PTPRD: variants seen among roughly 807,000 people sequenced by gnomAD.
The protein encoded by PTPRD is receptor-type tyrosine-protein phosphatase delta.
PTPRD carries 34 observed loss-of-function variants against 214.5 expected under a neutral mutation model. The observed-to-expected ratio is 0.16, with a 90% CI of 0.12 to 0.21. The LOEUF is 0.21. Among genes scored for constraint, PTPRD ranks in the 10% least tolerant of loss-of-function variants. The pLI, the probability that PTPRD is intolerant of heterozygous loss-of-function variation, is 1.00. For missense variants in PTPRD, 2,545 were observed against 2,398.7 expected (o/e 1.06, Z -1.27); for synonymous variants, 1,128 against 845.7 (o/e 1.33, Z -5.79).
chr9:9,842,352 T>C (rs2058546913), intron 5 of PTPRD, among the ~76,000 whole-genome samples: 1 of 142,840 alleles, frequency 7.0e-6, no homozygotes, highest in Non-Finnish European at 1.5e-5. Flanking sequence ...AAAACTCTAG[T>C]ATGGTGCTGT....
intron 2 of PTPRD, among the ~76,000 whole-genome samples, chr9:10,478,095 T>C (rs1390947375): frequency 6.6e-6 from 1 of 151,976 alleles, no homozygotes; most frequent in African/African-American, 2.4e-5. Flanking sequence ...TGTATACCTA[T>C]GTAACAAACC....
At chr9:9,251,494 T>C (rs1488656242) in intron 9 of PTPRD, among the ~76,000 whole-genome samples, 2 of 152,094 alleles carry the variant, frequency 1.3e-5, no homozygotes, top group Non-Finnish European at 2.9e-5. Context: ...AAAACTACTA[T>C]TCATTAATTT....
At chr9:9,348,543 C>A (rs2049826886) in intron 9 of PTPRD, among the ~76,000 whole-genome samples, 2 of 152,076 alleles carry the variant, frequency 1.3e-5, no homozygotes, top group African/African-American at 2.4e-5. Context: ...TGAAAATCAC[C>A]CCTTTAATCA....
chr9:9,612,537 T>C (rs2094571222), intron 7 of PTPRD, among the ~76,000 whole-genome samples: 1 of 152,194 alleles, frequency 6.6e-6, no homozygotes, highest in Non-Finnish European at 1.5e-5. Context: ...AAGTGGTTTT[T>C]CCTCTCTCAT....
intron 5 of PTPRD, among the ~76,000 whole-genome samples, chr9:9,796,056 T>G (rs2153487969): frequency 6.6e-6 from 1 of 152,140 alleles, no homozygotes; most frequent in East Asian, 1.9e-4. Flanking sequence ...AAGGTATTTT[T>G]CAGTTTTTTT....
chr9:9,959,138 T>A (rs563836849), intron 4 of PTPRD, among the ~76,000 whole-genome samples: 1 of 152,206 alleles, frequency 6.6e-6, no homozygotes, highest in Non-Finnish European at 1.5e-5. Flanking sequence ...AATTGTAGTA[T>A]ATCTATATAA....
intron 7 of PTPRD, among the ~76,000 whole-genome samples, chr9:9,710,037 T>C (rs2097696406): frequency 6.6e-6 from 1 of 152,028 alleles, no homozygotes; most frequent in Non-Finnish European, 1.5e-5. Flanking sequence ...AAAAGCAGAT[T>C]TTGTTTCTTT....
At chr9:8,827,053 AC>A (rs1033207264) in intron 11 of PTPRD, among the ~76,000 whole-genome samples, 1 of 152,078 alleles carries the variant, frequency 6.6e-6, no homozygotes, top group Non-Finnish European at 1.5e-5. Context: ...CATATAACAC[AC>A]ACACACACTA....
chr9:9,551,851 C>A (rs1189217717), intron 8 of PTPRD, among the ~76,000 whole-genome samples: 1 of 151,802 alleles, frequency 6.6e-6, no homozygotes, highest in Non-Finnish European at 1.5e-5. Context: ...GTAAGTTGCT[C>A]CCCAAAAGGA....
chr9:9,205,559 G>A (rs2099944317), intron 9 of PTPRD, among the ~76,000 whole-genome samples: 1 of 152,150 alleles, frequency 6.6e-6, no homozygotes, highest in East Asian at 1.9e-4. Context: ...GCATCATTAA[G>A]ACAGTCTTCT....
intron 14 of PTPRD, among the ~76,000 whole-genome samples, chr9:8,627,578 T>C (rs965148763): frequency 1.3e-5 from 2 of 151,882 alleles, no homozygotes; most frequent in Non-Finnish European, 2.9e-5. Context: ...GATTTACAAG[T>C]GTGCTCATTT....
intron 3 of PTPRD, among the ~76,000 whole-genome samples, chr9:10,299,034 C>T (rs2154404940): frequency 1.3e-5 from 2 of 152,206 alleles, no homozygotes; most frequent in Middle Eastern, 6.8e-3. Flanking sequence ...TTAATGAATA[C>T]ATGCATTGCC....
chr9:10,214,227 A>T (rs1442522822), intron 3 of PTPRD, among the ~76,000 whole-genome samples: 1 of 152,012 alleles, frequency 6.6e-6, no homozygotes, highest in Non-Finnish European at 1.5e-5. Context: ...ATCTACAAGT[A>T]TCAGTGACAA....
chr9:8,332,809 A>C (rs560327225), intron 43 of PTPRD, among the ~76,000 whole-genome samples: 1 of 152,244 alleles, frequency 6.6e-6, no homozygotes, highest in East Asian at 1.9e-4. Flanking sequence ...AGAGAGACCG[A>C]TCTCATTTCT....
At chr9:9,606,770 A>G (rs2094181542) in intron 7 of PTPRD, among the ~76,000 whole-genome samples, 2 of 151,840 alleles carry the variant, frequency 1.3e-5, no homozygotes, top group East Asian at 1.9e-4. Context: ...CTAAATGGGT[A>G]GATAGAGGTG....
At chr9:8,832,105 TG>T (rs2097305592) in intron 11 of PTPRD, among the ~76,000 whole-genome samples, 1 of 24,026 alleles carries the variant, frequency 4.2e-5, no homozygotes, top group Non-Finnish European at 7.9e-5. Context: ...TATGTGTATA[TG>T]TGTGTGTGTG....
At chr9:8,773,138 G>A (rs542887302) in intron 11 of PTPRD, among the ~76,000 whole-genome samples, 3 of 152,132 alleles carry the variant, frequency 2.0e-5, no homozygotes, top group Non-Finnish European at 4.4e-5. Context: ...TCCAGAGATT[G>A]TTTCCTTTAG....
chr9:9,058,039 T>C (rs2099699520), intron 10 of PTPRD, among the ~76,000 whole-genome samples: 1 of 152,206 alleles, frequency 6.6e-6, no homozygotes, highest in South Asian at 2.1e-4. Flanking sequence ...GAAAGGCAAT[T>C]CTAAAATGAG....
intron 11 of PTPRD, chr9:8,962,817 G>A (rs1023568690): frequency 1.3e-5 from 2 of 151,996 alleles, no homozygotes; most frequent in Admixed American, 6.6e-5. Context: ...GCTACCAAAG[G>A]TAAAGCTTTG....
Sources: allele counts gnomAD v4.1 joint callset (sites outside exome capture counted in the v4.1 genomes callset), GRCh38; gene constraint gnomAD v4.1.1; transcripts MANE v1.5; gene names NCBI Gene and HGNC (gene_info 2026-07-23, HGNC 2026-07-21).